SPO11: variants seen among roughly 807,000 people sequenced by gnomAD.
SPO11 encodes SPO11 initiator of meiotic double strand breaks.
In SPO11, 49 loss-of-function variants were observed where a neutral mutation model predicts 51.6. That is an observed-to-expected ratio of 0.95 (90% confidence interval 0.75 to 1.20). The LOEUF is 1.20. Ranked by LOEUF, SPO11 falls within the 50% of genes most tolerant of loss-of-function variation. The pLI is 0.00. For missense variants in SPO11, 431 were observed against 473.4 expected (o/e 0.91, Z 0.83); for synonymous variants, 176 against 158.2 (o/e 1.11, Z -0.84).
In SPO11 at chr20:57,334,032, C is replaced by G. The variant is rs765572171; in HGVS notation, c.447C>G (p.Val149=). Residue 149 remains valine, a synonymous_variant, in exon 5 of 13, where the codon GTC becomes GTG. Coordinates refer to ENST00000371263, the MANE Select transcript of SPO11 (RefSeq NM_012444.3). ...TDSQLFGNQT[V]VDNIINDISC... The stretch of plus-strand genomic sequence containing the variant: ...GTCAACTCTTTGGTAACCAGACTGT[C>G]GTCGACAATATTATCAATGACATTT... 1.3e-6 allele frequency: 2 copies of G among 1,590,372 alleles called. No individual in the cohort carries two copies. The highest frequency in any genetic ancestry group is 2.2e-5 in the East Asian group (1 of 44,514).
intron 8 of SPO11, chr20:57,337,874 A>G: frequency 1.6e-6 from 1 of 623,226 alleles, no homozygotes; most frequent in Non-Finnish European, 2.4e-6. Flanking sequence ...CATAACCTAT[A>G]ATTTATTATT....
intron 1 of SPO11, among the ~76,000 whole-genome samples, chr20:57,331,002 A>G (rs545042653): frequency 5.5e-4 from 84 of 152,346 alleles, no homozygotes; most frequent in African/African-American, 1.9e-3. Flanking sequence ...CTGAAACACA[A>G]GTTTTCAGTA....
At chr20:57,341,780 A>G (rs1322700957) in intron 11 of SPO11, among the ~76,000 whole-genome samples, 1 of 152,258 alleles carries the variant, frequency 6.6e-6, no homozygotes, top group East Asian at 1.9e-4. Context: ...AATTCAAGAC[A>G]TATGATCTGA....
Position 57,334,076 on chromosome 20 carries a change from C to T in SPO11, c.491C>T (p.Ser164Leu), listed in dbSNP as rs773493149. Residue 164 changes from serine (S) to leucine (L), a missense_variant, in exon 5 of 13, where the codon TCA becomes TTA. Coordinates refer to ENST00000371263, the MANE Select transcript of SPO11 (RefSeq NM_012444.3). ...INDISCMLKV[S>L]RRSLHILSTS... ...GACATTTCTTGCATGTTAAAAGTGT[C>T]AAGGAGGAGTCTACATATAGTAAGT... 3.8e-6 allele frequency: 6 copies of T among 1,570,808 alleles called. No homozygotes were observed. The African/African-American group carries it at 6.8e-5, about 18-fold the overall frequency.
Position 57,343,483 on chromosome 20 carries a change from A to G in SPO11, c.*23A>G. 6.3e-7 allele frequency: 1 copy of G among 1,581,268 alleles called. No individual in the cohort carries two copies. The highest frequency in any genetic ancestry group is 8.6e-7 in the Non-Finnish European group (1 of 1,169,518). On this transcript the variant is annotated 3_prime_UTR_variant, in exon 13 of 13. Coordinates refer to ENST00000371263, the MANE Select transcript of SPO11 (RefSeq NM_012444.3). ...TAAAAATAAATCAGAAGAACTTCTG[A>G]TTGCCAGAGGCTTTTCATTAGTTTT...
At chr20:57,336,922 G>A (rs1427053989) in intron 8 of SPO11, among the ~76,000 whole-genome samples, 4 of 152,078 alleles carry the variant, frequency 2.6e-5, no homozygotes, top group African/African-American at 9.7e-5. Flanking sequence ...TAATAATGGG[G>A]TACTGGAATG....
At chr20:57,340,303 C>T in intron 11 of SPO11, 125 bp downstream of exon 11, 1 of 574,180 alleles carries the variant, frequency 1.7e-6, no homozygotes, top group East Asian at 2.9e-5. Flanking sequence ...TCCACGATGA[C>T]TTATGATTAT....
At chr20:57,337,723 CA>C (rs1239574644) in intron 8 of SPO11, 2 of 1,297,150 alleles carry the variant, frequency 1.5e-6, no homozygotes, top group Non-Finnish European at 2.0e-6. Context: ...ATATAATGTA[CA>C]TTTTTTTTTC....
In SPO11 at chr20:57,329,881, C is replaced by CTA. The variant is rs1260183719; in HGVS notation, c.16_17dup (p.Met6IlefsTer23). 6.2e-7 allele frequency: 1 copy of CTA among 1,613,536 alleles called. No individual in the cohort carries two copies. The highest frequency in any genetic ancestry group is 1.3e-5 in the African/African-American group (1 of 74,956). On this transcript the variant is annotated frameshift_variant, in exon 1 of 13. Transcript: ENST00000371263. LOFTEE classifies it high-confidence loss of function. The stretch of plus-strand genomic sequence containing the variant: ...CCGTCTGCCCTCATGGCCTTTGCAC[C>CTA]TATGGGGCCCGAGGCCTCGTTCTTC...
chr20:57,338,958 A>T, intron 9 of SPO11, 31 bp from the exon 10 acceptor site: 1 of 1,379,380 alleles, frequency 7.2e-7, no homozygotes, highest in Non-Finnish European at 1.0e-6. Flanking sequence ...ATGTAAGGAG[A>T]CTAATTTTAT....
rs1406618513 is a variant in SPO11, at chr20:57,343,325, T to G, written c.1072-16T>G. On this transcript the variant is annotated splice_polypyrimidine_tract_variant and intron_variant, in intron 12 of 12. Transcript: ENST00000371263. ...CTAAGAACTCTGGTATGAGTACATTTTACTTTTATTGACAGATGGAAATAA... is the reference window on the plus strand; with the variant it reads ...CTAAGAACTCTGGTATGAGTACATTGTACTTTTATTGACAGATGGAAATAA... 1 of 1,603,862 alleles carries G rather than the reference T, an allele frequency of 6.2e-7. No homozygotes were observed.
At chr20:57,335,319 CT>C in intron 6 of SPO11, 99 bp from the exon 7 acceptor site, 1 of 950,010 alleles carries the variant, frequency 1.1e-6, no homozygotes, top group Non-Finnish European at 1.6e-6. Context: ...TCTCTGATGA[CT>C]GGTATGGTCA....
At chr20:57,337,854 G>A (rs1039892949) in intron 8 of SPO11, 38 of 788,122 alleles carry the variant, frequency 4.8e-5, no homozygotes, top group African/African-American at 7.3e-5. Flanking sequence ...AGTACTAACC[G>A]TTGTATGAGC....
chr20:57,332,022 T>G, intron 2 of SPO11, 76 bp downstream of exon 2: 1 of 913,732 alleles, frequency 1.1e-6, no homozygotes, highest in Non-Finnish European at 1.6e-6. Flanking sequence ...AGAGTTCTGG[T>G]CATATTTTTT....
rs199575818 is a variant in SPO11 at position 57,342,738 on chromosome 20, A to G, written c.969A>G (p.Val323=). 4.8e-5 allele frequency: 77 copies of G among 1,609,110 alleles called. No homozygotes were observed. The Admixed American group carries it at 1.3e-3, about 27-fold the overall frequency. Reference sequence around the variant, plus strand: ...ACCTACTTTTTTCCAGATTAAATGTACCTAAAGATAGTTTGATTCCACTGA... The same window carrying G: ...ACCTACTTTTTTCCAGATTAAATGTGCCTAAAGATAGTTTGATTCCACTGA... ...LLPSDLKRLN[V]PKDSLIPLTK... The change falls in exon 12 of 13, where the codon GTA becomes GTG. Residue 323 remains valine, a synonymous_variant. Coordinates refer to ENST00000371263, the MANE Select transcript of SPO11 (RefSeq NM_012444.3).
intron 7 of SPO11, among the ~76,000 whole-genome samples, 155 bp from the exon 8 acceptor site, chr20:57,335,643 T>A (rs2066503607): frequency 1.3e-5 from 2 of 152,164 alleles, no homozygotes. Flanking sequence ...GAGACAGATA[T>A]CTGAATATAT....
In SPO11 at chr20:57,334,835, C is replaced by T. The variant is rs776012127; in HGVS notation, c.596C>T (p.Thr199Met). 13 of 1,611,986 alleles carry T rather than the reference C, an allele frequency of 8.1e-6. No homozygotes were observed. In the East Asian group the frequency reaches 1.8e-4, roughly 22 times the overall value. Residue 199 changes from threonine to methionine, a missense_variant and splice_region_variant, in exon 6 of 13, where the codon ACG (threonine) becomes ATG (methionine). Physicochemically the swap from Thr to Met is moderately conservative, Grantham distance 81. Around this residue, in one of 3 missense-constraint regions of SPO11, gnomAD observed 405 missense variants for 425.9 expected, o/e 0.95. Coordinates refer to ENST00000371263, the MANE Select transcript of SPO11 (RefSeq NM_012444.3). ...GTKVNCTCGA[T>M]AVAVPSNIQG... ...AAAGTGAATTGTACCTGTGGTGCAA[C>T]GGTAAGAAGCATCATTGAAGTTTTC...
At chr20:57,335,693 T>C (rs1568760098) in intron 7 of SPO11, 105 bp from the exon 8 acceptor site, 9 of 739,798 alleles carry the variant, frequency 1.2e-5, no homozygotes, top group Non-Finnish European at 6.7e-6. Context: ...CAAACTAAAA[T>C]GTTGTATCTA....
At chr20:57,334,142 T>G in intron 5 of SPO11, 47 bp downstream of exon 5, 2 of 1,069,622 alleles carry the variant, frequency 1.9e-6, no homozygotes, top group Admixed American at 2.5e-5. Flanking sequence ...ACAAAATGTT[T>G]GTATAAAACA....
Sources: gnomAD v4.1 joint callset for allele counts (sites outside exome capture counted in the v4.1 genomes callset) on GRCh38, gnomAD v4.1.1 for gene constraint, gnomAD v4.1.1 regional missense constraint, MANE v1.5 for transcripts, NCBI Gene and HGNC (gene_info 2026-07-23, HGNC 2026-07-21) for gene names.